The following CLXN variants were observed in gnomAD, a reference collection of about 807,000 sequenced individuals.
CLXN encodes calaxin.
At chr8:48,722,238 T>G in the CLXN span, among the ~76,000 whole-genome samples, 5 of 152,064 alleles carry the variant, frequency 3.3e-5, no homozygotes, top group Non-Finnish European at 7.4e-5. Context: ...GAATCAGATA[T>G]CCCCTCTTAC....
chr8:48,731,242 G>A, the CLXN span: 1 of 1,150,488 alleles, frequency 8.7e-7, no homozygotes, highest in Non-Finnish European at 1.2e-6. Context: ...ATGACACTGG[G>A]AATGCAAAAC....
the CLXN span, chr8:48,731,527 C>G: frequency 1.3e-6 from 2 of 1,558,840 alleles, no homozygotes; most frequent in Non-Finnish European, 1.7e-6. Context: ...ATAGATATAA[C>G]AAAAATGAAC....
chr8:48,713,937 C>T, the CLXN span: 1 of 152,162 alleles, frequency 6.6e-6, no homozygotes, highest in Non-Finnish European at 1.5e-5. Context: ...GTGATGTCTA[C>T]CTCTCCTAAA....
the CLXN span, among the ~76,000 whole-genome samples, chr8:48,727,427 G>A: frequency 6.6e-6 from 1 of 152,176 alleles, no homozygotes; most frequent in Non-Finnish European, 1.5e-5. Flanking sequence ...GCTGGGGGAT[G>A]AACAGGGAAG....
At chr8:48,735,110 G>A in the CLXN span, 31 of 1,614,010 alleles carry the variant, frequency 1.9e-5, 1 homozygote, top group African/African-American at 3.5e-4. Context: ...TGCAATTTTT[G>A]GTTAAGGTGT....
At chr8:48,725,632 C>T in the CLXN span, among the ~76,000 whole-genome samples, 1 of 151,946 alleles carries the variant, frequency 6.6e-6, no homozygotes, top group South Asian at 2.1e-4. Flanking sequence ...GGAGAAACCA[C>T]GTCTCTACTA....
the CLXN span, chr8:48,731,371 G>C: frequency 4.3e-6 from 7 of 1,611,360 alleles, no homozygotes; most frequent in Admixed American, 5.0e-5. Flanking sequence ...CATGTCATCT[G>C]TCATTCCAAA....
the CLXN span, among the ~76,000 whole-genome samples, chr8:48,733,254 T>C: frequency 1.3e-5 from 2 of 152,154 alleles, no homozygotes; most frequent in Admixed American, 1.3e-4. Flanking sequence ...CATTTTTCCA[T>C]CTCAGCTGAA....
the CLXN span, chr8:48,735,234 T>C: frequency 6.7e-7 from 1 of 1,500,022 alleles, no homozygotes; most frequent in Admixed American, 1.7e-5. Flanking sequence ...CCGCGAGCCC[T>C]GGTGCTGGGT....
the CLXN span, among the ~76,000 whole-genome samples, chr8:48,723,086 AT>A: frequency 2.0e-5 from 3 of 152,208 alleles, no homozygotes; most frequent in African/African-American, 7.2e-5. Context: ...ATAAACAGCA[AT>A]GTGACTATAG....
the CLXN span, chr8:48,711,787 G>A: frequency 6.6e-6 from 1 of 152,234 alleles, no homozygotes; most frequent in South Asian, 2.1e-4. Context: ...GATAAGGTCT[G>A]AATCTTGGCT....
chr8:48,728,990 G>A, the CLXN span: 3 of 1,363,884 alleles, frequency 2.2e-6, no homozygotes, highest in South Asian at 2.6e-5. Flanking sequence ...AGAAGTCCTG[G>A]GTTGTTCTAC....
At chr8:48,717,620 G>A in the CLXN span, among the ~76,000 whole-genome samples, 1 of 152,258 alleles carries the variant, frequency 6.6e-6, no homozygotes, top group South Asian at 2.1e-4. Flanking sequence ...AGATAAATAT[G>A]TAGACAAATA....
chr8:48,712,726 C>A, the CLXN span, among the ~76,000 whole-genome samples: 1 of 152,174 alleles, frequency 6.6e-6, no homozygotes, highest in South Asian at 2.1e-4. Context: ...TTTGGCCGGG[C>A]GTGGTGGCTC....
At chr8:48,735,199 G>T in the CLXN span, 13 of 1,609,438 alleles carry the variant, frequency 8.1e-6, no homozygotes, top group East Asian at 2.2e-4. Flanking sequence ...CTGGGCGCGC[G>T]GCTACCGAGA....
the CLXN span, among the ~76,000 whole-genome samples, chr8:48,723,203 G>C: frequency 2.6e-5 from 4 of 152,112 alleles, no homozygotes; most frequent in East Asian, 1.9e-4. Flanking sequence ...CTTGATTGTG[G>C]TGATTATTTC....
chr8:48,711,868 G>C, the CLXN span: 1 of 152,210 alleles, frequency 6.6e-6, no homozygotes, highest in East Asian at 1.9e-4. Context: ...CAATCTGTAG[G>C]ATGAAAATAG....
chr8:48,721,048 A>G, the CLXN span, among the ~76,000 whole-genome samples: 1 of 152,192 alleles, frequency 6.6e-6, no homozygotes, highest in Non-Finnish European at 1.5e-5. Context: ...AAAACCCTAC[A>G]AACACAACAA....
the CLXN span, chr8:48,724,895 A>G: frequency 3.9e-6 from 4 of 1,019,654 alleles, no homozygotes; most frequent in Admixed American, 9.7e-5. Context: ...GAGACAGGAT[A>G]ACTGAGGGTT....
Sources: allele counts gnomAD v4.1 joint callset (sites outside exome capture counted in the v4.1 genomes callset), GRCh38; gene constraint gnomAD v4.1.1; transcripts MANE v1.5; gene names NCBI Gene and HGNC (gene_info 2026-07-23, HGNC 2026-07-21).